URI1: variants seen among roughly 807,000 people sequenced by gnomAD.
URI1 encodes unconventional prefoldin RPB5 interactor 1.
Under a neutral mutation model 60.2 loss-of-function variants are expected in URI1, and 39 were observed. That is an observed-to-expected ratio of 0.65 (90% CI 0.50 to 0.85). The LOEUF is 0.85. URI1 is among the 40% of genes least tolerant of loss of function. The pLI is 0.00. For missense variants in URI1, 691 were observed against 665.9 expected (o/e 1.04, Z -0.42); for synonymous variants, 251 against 236.8 (o/e 1.06, Z -0.55).
upstream of URI1, among the ~76,000 whole-genome samples, chr19:29,941,984 C>CT (rs921904232): frequency 0.012 from 1,751 of 143,254 alleles, 38 homozygotes; most frequent in African/African-American, 0.042. Flanking sequence ...AGAATGTAAG[C>CT]TTTTTTTTTT....
intron 1 of URI1, among the ~76,000 whole-genome samples, chr19:29,961,434 T>C (rs973853817): frequency 3.3e-5 from 5 of 152,144 alleles, no homozygotes; most frequent in Admixed American, 1.3e-4. Flanking sequence ...ATTGGGTTAT[T>C]TCACTTACCA....
At chr19:29,957,064 G>A in intron 1 of URI1, 1 of 540,460 alleles carries the variant, frequency 1.9e-6, no homozygotes, top group Non-Finnish European at 3.3e-6. Flanking sequence ...ATGTCATTTT[G>A]TCATTTTCCT....
At chr19:29,923,700 A>G (rs1170655412) in exon 1 of URI1, 5 of 1,536,598 alleles carry the variant, frequency 3.3e-6, no homozygotes, top group Admixed American at 3.9e-5. Flanking sequence ...TGATGACAAC[A>G]TGGTCTTCCC....
At position 30,015,125 on chromosome 19, in the gene URI1, G is replaced by C. The variant is rs1173639507; in HGVS notation, c.*56G>C. ...TAAAACCTAGTTGTTCATTTGTTTA[G>C]AGTATCTATAGCAAAATAGGTTACA... is the stretch of plus-strand genomic sequence containing the variant. On this transcript the variant is annotated 3_prime_UTR_variant, in exon 11 of 11. Transcript: ENST00000392271. 1.3e-6 allele frequency: 2 copies of C among 1,572,902 alleles called. No individual in the cohort carries two copies. The highest frequency in any genetic ancestry group is 4.5e-5 in the East Asian group (2 of 44,444).
At chr19:29,966,705 A>G (rs910289427) in intron 1 of URI1, among the ~76,000 whole-genome samples, 3 of 152,222 alleles carry the variant, frequency 2.0e-5, no homozygotes, top group African/African-American at 7.2e-5. Flanking sequence ...TCCAGTATCC[A>G]TTGGCTTCAG....
At chr19:29,938,551 A>G (rs1275282975), upstream of URI1, among the ~76,000 whole-genome samples, 2 of 152,150 alleles carry the variant, frequency 1.3e-5, no homozygotes, top group African/African-American at 4.8e-5. Context: ...TATTGACTCC[A>G]ACATCTATGA....
chr19:29,973,620 T>TA (rs774992015), intron 2 of URI1, among the ~76,000 whole-genome samples: 71 of 151,182 alleles, frequency 4.7e-4, no homozygotes, highest in Middle Eastern at 6.8e-3. Context: ...GGTTTTTGTT[T>TA]AAAAAAAAAT....
At chr19:29,974,170 A>G (rs944961404) in intron 2 of URI1, among the ~76,000 whole-genome samples, 5 of 152,172 alleles carry the variant, frequency 3.3e-5, no homozygotes, top group Non-Finnish European at 1.5e-5. Flanking sequence ...TAAAGTGATG[A>G]TGATACTACT....
At chr19:29,998,924 T>A (rs144794989) in intron 4 of URI1, among the ~76,000 whole-genome samples, 7 of 152,258 alleles carry the variant, frequency 4.6e-5, no homozygotes, top group African/African-American at 1.4e-4. Flanking sequence ...GATTTTTTTT[T>A]ATGGTGAATG....
intron 1 of URI1, among the ~76,000 whole-genome samples, chr19:29,929,774 CTTTGCTCAT>C (rs200076277): frequency 0.018 from 2,753 of 152,056 alleles, 39 homozygotes; most frequent in Non-Finnish European, 0.031. Flanking sequence ...TATGCAAGTT[CTTTGCTCAT>C]TTTGGGGTTT....
intron 1 of URI1, among the ~76,000 whole-genome samples, chr19:29,935,949 G>A (rs2054968095): frequency 6.6e-6 from 1 of 151,852 alleles, no homozygotes; most frequent in Non-Finnish European, 1.5e-5. Flanking sequence ...ACCACGCCTG[G>A]CTAGTTTTTT....
chr19:29,989,109 CTT>C (rs879626146), intron 4 of URI1, among the ~76,000 whole-genome samples: 2 of 145,744 alleles, frequency 1.4e-5, no homozygotes, highest in Non-Finnish European at 1.5e-5. Flanking sequence ...GTTATATATG[CTT>C]TTTTTTTTTT....
rs1014232510 is a variant in URI1, at chr19:29,956,420, C to T, written c.117+13756C>T. ...TGGATAACTCTTAGATCTGATTCAT[C>T]AACCTGCTGAACAGTTCCTTTTTCA... is the stretch of plus-strand genomic sequence containing the variant. On this transcript the variant is annotated intron_variant, in intron 1 of 10. Coordinates refer to ENST00000392271, the MANE Select transcript of URI1 (RefSeq NM_003796.3). The T allele has an allele frequency of 2.7e-5, 41 of 1,537,168 alleles. No individual in the cohort carries two copies. In the African/African-American group the frequency reaches 5.2e-4, roughly 19 times the overall value.
intron 4 of URI1, among the ~76,000 whole-genome samples, chr19:29,989,445 A>G (rs1469333519): frequency 1.3e-5 from 2 of 150,184 alleles, no homozygotes; most frequent in African/African-American, 4.9e-5. Flanking sequence ...TTTTTTTGAG[A>G]TGGAGTCTCA....
chr19:29,946,440 G>A (rs907681283), intron 1 of URI1, among the ~76,000 whole-genome samples: 4 of 152,058 alleles, frequency 2.6e-5, no homozygotes, highest in Non-Finnish European at 5.9e-5. Flanking sequence ...AGATTTTATT[G>A]TAATATTTTA....
chr19:29,939,295 G>A (rs59752121), upstream of URI1, among the ~76,000 whole-genome samples: 1 of 146,264 alleles, frequency 6.8e-6, no homozygotes, highest in Admixed American at 6.8e-5. Context: ...TTTTTTTTTA[G>A]ACGAAGTGTC....
intron 2 of URI1, among the ~76,000 whole-genome samples, chr19:29,977,274 C>T (rs1475775230): frequency 1.3e-5 from 2 of 152,118 alleles, no homozygotes; most frequent in East Asian, 3.9e-4. Flanking sequence ...TGAACTATAT[C>T]ATTGTAACAA....
At position 29,942,654 on chromosome 19, in the gene URI1, A is replaced by G. The variant is rs1251022155; in HGVS notation, c.107A>G (p.Glu36Gly). Reference sequence around the variant, plus strand: ...CCGGATGTGGCGCGGCTGCGCGAGGAGCAGGAAAAGGTAACTAGCAGCCCC... The same window carrying G: ...CCGGATGTGGCGCGGCTGCGCGAGGGGCAGGAAAAGGTAACTAGCAGCCCC... ...RAPDVARLRE[E>G]QEKVVTNCQE... Residue 36 changes from glutamate (E) to glycine (G), a missense_variant, in exon 1 of 11, where the codon GAG becomes GGG. Coordinates refer to ENST00000392271, the MANE Select transcript of URI1 (RefSeq NM_003796.3). The G allele has an allele frequency of 2.1e-6, 3 of 1,413,652 alleles. No homozygotes were observed. Among genetic ancestry groups the G allele is most frequent in the Non-Finnish European group, 2.8e-6 (3 of 1,080,130 alleles). 87.6% of individuals were successfully genotyped at this position (1,413,652 alleles called of 1,614,324 possible).
chr19:29,962,529 C>T (rs536790958), intron 1 of URI1, among the ~76,000 whole-genome samples: 68 of 150,054 alleles, frequency 4.5e-4, no homozygotes, highest in African/African-American at 1.6e-3. Flanking sequence ...TTTAATTCTA[C>T]GTATTTTAAA....
Sources: gnomAD v4.1 joint callset for allele counts (sites outside exome capture counted in the v4.1 genomes callset) on GRCh38, gnomAD v4.1.1 for gene constraint, MANE v1.5 for transcripts, NCBI Gene and HGNC (gene_info 2026-07-23, HGNC 2026-07-21) for gene names.